CLEC16A: variants seen among roughly 807,000 people sequenced by gnomAD.
CLEC16A encodes the protein protein CLEC16A.
CLEC16A carries 51 observed loss-of-function variants against 109.5 expected under a neutral mutation model. The ratio of observed to expected loss-of-function variants is 0.47; its 90% CI spans 0.37 to 0.59. The LOEUF (loss-of-function observed/expected upper bound fraction) is 0.59. Among genes scored for constraint, CLEC16A ranks in the 20% least tolerant of loss-of-function variants. CLEC16A has a pLI of 0.00. For missense variants in CLEC16A, 1,339 were observed against 1,394.0 expected, an observed-to-expected ratio of 0.96 and a Z score of 0.63; for synonymous variants, 673 against 564.2, an observed-to-expected ratio of 1.19 and a Z score of -2.73.
At chr16:10,986,727 CTCAATG>C (rs994504169) in intron 10 of CLEC16A, among the ~76,000 whole-genome samples, 13 of 50,586 alleles carry the variant, frequency 2.6e-4, no homozygotes, top group Admixed American at 1.7e-3. Flanking sequence ...TTCTTTAAGG[CTCAATG>C]TGTGTGTGTG....
At chr16:10,977,430 G>A (rs1413357207) in intron 8 of CLEC16A, 31 bp downstream of exon 8, 16 of 1,597,190 alleles carry the variant, frequency 1.0e-5, no homozygotes, top group Non-Finnish European at 1.4e-5. Context: ...CCCGCTGGCT[G>A]AAGGCCATCA....
rs1248241000 is a variant in CLEC16A at position 10,985,542 on chromosome 16, C to T, written c.1071+2551C>T. On this transcript the variant is annotated intron_variant, in intron 10 of 23. Coordinates refer to ENST00000409790, the MANE Select transcript of CLEC16A (RefSeq NM_015226.3). ...GCAACTGGAGATGTACTGGGTCCCT[C>T]GGGACTTTTTTTTTTTTTTAGTTGC... Among the ~76,000 whole-genome samples the T allele has an allele frequency of 7.3e-5, 8 of 109,350 alleles. No individual in the cohort carries two copies. The East Asian group carries it at 1.8e-3, about 24-fold the overall frequency. The allele number at this position is 109,350 out of a possible 152,430, so 71.7% of individuals were successfully genotyped here.
chr16:11,112,680 T>C (rs980573972), intron 19 of CLEC16A, among the ~76,000 whole-genome samples: 7 of 151,736 alleles, frequency 4.6e-5, no homozygotes, highest in African/African-American at 7.3e-5. Flanking sequence ...CATACATACA[T>C]ACACACACAC....
intron 12 of CLEC16A, among the ~76,000 whole-genome samples, chr16:11,022,860 C>T (rs947369802): frequency 1.4e-4 from 21 of 151,186 alleles, no homozygotes; most frequent in Non-Finnish European, 2.5e-4. Context: ...GATCACACCA[C>T]TGCACTCCAG....
intron 22 of CLEC16A, among the ~76,000 whole-genome samples, chr16:11,135,622 G>A (rs1567374406): frequency 6.6e-6 from 1 of 152,246 alleles, no homozygotes; most frequent in Non-Finnish European, 1.5e-5. Flanking sequence ...CTGGTCATAA[G>A]AGTGTGTCAG....
In CLEC16A at chr16:11,120,655, TGGC is replaced by T; in HGVS notation, c.2161_2163del (p.Gly721del). On this transcript the variant is annotated inframe_deletion, in exon 20 of 24. Coordinates refer to ENST00000409790, the MANE Select transcript of CLEC16A (RefSeq NM_015226.3). ...TTGCATGTACAGTGATCACCAAGGA[TGGC>T]GGCATGGTCCAGCGATTCCTGGCTG... 1 of 1,613,346 alleles carries T rather than the reference TGGC, an allele frequency of 6.2e-7. No homozygotes were observed.
intron 23 of CLEC16A, among the ~76,000 whole-genome samples, chr16:11,177,688 C>T (rs1429107049): frequency 6.6e-6 from 1 of 151,846 alleles, no homozygotes; most frequent in African/African-American, 2.4e-5. Flanking sequence ...CTTGTCCTGG[C>T]GTGGTTTCTC....
intron 3 of CLEC16A, among the ~76,000 whole-genome samples, chr16:10,968,226 A>G (rs1348763902): frequency 2.0e-5 from 3 of 152,246 alleles, no homozygotes; most frequent in Non-Finnish European, 2.9e-5. Flanking sequence ...CTGAGATATC[A>G]AACTGCAGGC....
At chr16:11,071,753 A>ATTTTT (rs71136611) in intron 19 of CLEC16A, among the ~76,000 whole-genome samples, 4 of 61,280 alleles carry the variant, frequency 6.5e-5, no homozygotes, top group African/African-American at 3.0e-4. Flanking sequence ...CACCTGGCTG[A>ATTTTT]TTTTTTTTTT....
At chr16:11,147,641 C>T (rs1290682492) in intron 22 of CLEC16A, among the ~76,000 whole-genome samples, 1 of 152,160 alleles carries the variant, frequency 6.6e-6, no homozygotes, top group African/African-American at 2.4e-5. Flanking sequence ...ACTTAAAGTC[C>T]ATGAATTGTA....
At chr16:11,172,828 G>A (rs901322323) in intron 23 of CLEC16A, among the ~76,000 whole-genome samples, 3 of 152,204 alleles carry the variant, frequency 2.0e-5, no homozygotes, top group South Asian at 2.1e-4. Context: ...GGCAGAGGTT[G>A]CAGTGAGCCG....
chr16:10,958,604 C>T (rs895541464), intron 2 of CLEC16A, among the ~76,000 whole-genome samples: 10 of 152,114 alleles, frequency 6.6e-5, no homozygotes, highest in Non-Finnish European at 1.0e-4. Context: ...CCTCACTGGA[C>T]AGTTAAAAAG....
At chr16:10,946,001 G>A (rs1395425102) in intron 1 of CLEC16A, among the ~76,000 whole-genome samples, 1 of 152,144 alleles carries the variant, frequency 6.6e-6, no homozygotes, top group African/African-American at 2.4e-5. Context: ...TTGAATTGGG[G>A]AGAGATGAAG....
At chr16:10,957,195 G>T (rs1054539755) in intron 1 of CLEC16A, among the ~76,000 whole-genome samples, 5 of 152,236 alleles carry the variant, frequency 3.3e-5, no homozygotes, top group Non-Finnish European at 7.3e-5. Context: ...CATAAGTTCT[G>T]ATGGGCTCAC....
intron 7 of CLEC16A, among the ~76,000 whole-genome samples, chr16:10,976,628 G>A (rs896355786): frequency 6.6e-6 from 1 of 152,146 alleles, no homozygotes; most frequent in Non-Finnish European, 1.5e-5. Flanking sequence ...ATACTCCTTG[G>A]GGGTGGTGAA....
chr16:11,175,648 A>T (rs1427152204), intron 23 of CLEC16A, among the ~76,000 whole-genome samples: 1 of 152,182 alleles, frequency 6.6e-6, no homozygotes, highest in Non-Finnish European at 1.5e-5. Flanking sequence ...AGAAGAGGTT[A>T]TTTTTTCCCT....
chr16:11,048,423 T>C (rs1378084994), intron 17 of CLEC16A: 1 of 152,250 alleles, frequency 6.6e-6, no homozygotes, highest in East Asian at 1.9e-4. Flanking sequence ...ACTCCATAAG[T>C]ACGTGATAAG....
intron 3 of CLEC16A, among the ~76,000 whole-genome samples, chr16:10,965,498 C>T (rs2042457401): frequency 6.6e-6 from 1 of 152,194 alleles, no homozygotes; most frequent in South Asian, 2.1e-4. Flanking sequence ...TATCCTAGAT[C>T]TCATTGTCCC....
chr16:11,127,930 A>G (rs2153040868), intron 22 of CLEC16A, among the ~76,000 whole-genome samples: 1 of 152,352 alleles, frequency 6.6e-6, no homozygotes, highest in East Asian at 1.9e-4. Context: ...GCCTGTTTTC[A>G]GTGATGAAAT....
Sources: gnomAD v4.1 joint callset for allele counts (sites outside exome capture counted in the v4.1 genomes callset) on GRCh38, gnomAD v4.1.1 for gene constraint, MANE v1.5 for transcripts, NCBI Gene and HGNC (gene_info 2026-07-23, HGNC 2026-07-21) for gene names.